The following ZNF736 variants were observed in gnomAD, a reference collection of about 807,000 sequenced individuals.
ZNF736 encodes zinc finger protein 736.
ZNF736 carries 6 observed loss-of-function variants against 11.7 expected under a neutral mutation model. That is an observed-to-expected ratio of 0.51 (90% CI 0.28 to 1.01). ZNF736 has a LOEUF of 1.01. Ranked by LOEUF, ZNF736 falls within the 50% of genes least tolerant of loss-of-function variation. ZNF736 has a pLI of 0.09. For missense variants in ZNF736, 444 were observed against 496.0 expected (o/e 0.90, Z 1.00); for synonymous variants, 139 against 164.7 (o/e 0.84, Z 1.19).
At chr7:64,335,197 G>T (rs747482655) in intron 1 of ZNF736, among the ~76,000 whole-genome samples, 2 of 151,926 alleles carry the variant, frequency 1.3e-5, no homozygotes, top group Non-Finnish European at 2.9e-5. Context: ...ATGCATGTGG[G>T]GCTTAAAACC....
intron 1 of ZNF736, among the ~76,000 whole-genome samples, chr7:64,331,861 G>T (rs1189692687): frequency 6.6e-6 from 1 of 152,156 alleles, no homozygotes; most frequent in African/African-American, 2.4e-5. Flanking sequence ...GCAGAGAAAG[G>T]CAACTGAGTG....
Position 64,353,604 on chromosome 7 carries a change from T to G in ZNF736, c.*4457T>G, listed in dbSNP as rs2115988952. The G allele has an allele frequency of 6.6e-6, 1 of 152,342 alleles. No homozygotes were observed. Among genetic ancestry groups the G allele is most frequent in the East Asian group, 1.9e-4 (1 of 5,180 alleles). The allele number at this position is 152,342 out of a possible 1,614,324, so 9.4% of individuals were successfully genotyped here. ...GTTGCACCAGAGTTGTGAGAGGTTC[T>G]TCTATATTAGATGGACAGATTTATA... On this transcript the variant is annotated 3_prime_UTR_variant, in exon 4 of 4. Transcript: ENST00000423484.
Position 64,314,162 on chromosome 7 carries a change from G to C in ZNF736, c.3+9G>C. The C allele has an allele frequency of 6.4e-7, 1 of 1,552,042 alleles. No individual in the cohort carries two copies. The highest frequency in any genetic ancestry group is 8.7e-7 in the Non-Finnish European group (1 of 1,147,232). On this transcript the variant is annotated intron_variant, in intron 1 of 3. Transcript: ENST00000423484. ...CTGGAGGCTGGGAAATGGTGAGTGC[G>C]TGGAGTGGGTGTCCCGAGAATGGGG...
intron 3 of ZNF736, among the ~76,000 whole-genome samples, chr7:64,344,974 G>A (rs1789387934): frequency 6.7e-6 from 1 of 148,326 alleles, no homozygotes; most frequent in African/African-American, 2.5e-5. Flanking sequence ...GTAATTTTGT[G>A]GGTTTTTTTT....
chr7:64,343,953 C>CTTTTTT (rs142010013), intron 3 of ZNF736, among the ~76,000 whole-genome samples: 6 of 147,976 alleles, frequency 4.1e-5, no homozygotes, highest in African/African-American at 7.6e-5. Flanking sequence ...TGTATATTTG[C>CTTTTTT]TTTTTTTTTT....
chr7:64,319,323 G>GTGTGTA (rs1562666636), intron 1 of ZNF736, among the ~76,000 whole-genome samples: 2 of 90,032 alleles, frequency 2.2e-5, no homozygotes, highest in Non-Finnish European at 4.2e-5. Flanking sequence ...GTATGTGTGT[G>GTGTGTA]TGTGTATGTG....
At chr7:64,330,176 A>G (rs1789142219) in intron 1 of ZNF736, among the ~76,000 whole-genome samples, 1 of 151,396 alleles carries the variant, frequency 6.6e-6, no homozygotes, top group Non-Finnish European at 1.5e-5. Flanking sequence ...TTTGTTTTTG[A>G]GACGGAGTCT....
At position 64,314,071 on chromosome 7, in the gene ZNF736, A is replaced by G; in HGVS notation, c.-80A>G. 1 of 1,541,920 alleles carries G rather than the reference A, an allele frequency of 6.5e-7. No individual in the cohort carries two copies. The highest frequency in any genetic ancestry group is 8.8e-7 in the Non-Finnish European group (1 of 1,138,588). On this transcript the variant is annotated 5_prime_UTR_variant, in exon 1 of 4. Coordinates refer to ENST00000423484, the MANE Select transcript of ZNF736 (RefSeq NM_001170905.3). ...GTTCCTGGAGTTCCTCGGTGACTCT[A>G]CTATAGCTTCTGTTATCCTGTGACC...
chr7:64,336,948 A>G lies in ZNF736; in HGVS notation c.192A>G (p.Lys64=). 2 of 1,605,242 alleles carry G rather than the reference A, an allele frequency of 1.2e-6. No homozygotes were observed. Among genetic ancestry groups the G allele is most frequent in the East Asian group, 2.3e-5 (1 of 44,440 alleles). ...TGGAGCAAAGAAAAGAGCCTTGGAA[A>G]GTGAAGAGACAGGAGGCAGTAGCCA... The part of the protein sequence containing the change: ...TCLEQRKEPW[K]VKRQEAVAKH... Residue 64 remains lysine, a synonymous_variant, in exon 3 of 4, where the codon AAA becomes AAG. Transcript: ENST00000423484.
At position 64,348,597 on chromosome 7, in the gene ZNF736, T is replaced by A; in HGVS notation, c.734T>A (p.Val245Asp). ...GKTFTCSSTL[V>D]KHKRNHTGDR... ...ACTTTTACCTGCTCCTCAACCCTTGTTAAACACAAGAGAAATCATACTGGA... is the reference window on the plus strand; with the variant it reads ...ACTTTTACCTGCTCCTCAACCCTTGATAAACACAAGAGAAATCATACTGGA... Residue 245 changes from valine (V) to aspartate (D), a missense_variant, in exon 4 of 4, where the codon GTT becomes GAT. By Grantham distance (152) the Val-to-Asp change is radical. Coordinates refer to ENST00000423484, the MANE Select transcript of ZNF736 (RefSeq NM_001170905.3). 1 of 1,597,018 alleles carries A rather than the reference T, an allele frequency of 6.3e-7. No individual in the cohort carries two copies. The highest frequency in any genetic ancestry group is 8.5e-7 in the Non-Finnish European group (1 of 1,171,640).
rs1789550402 is a variant in ZNF736, at chr7:64,356,099, G to A, written c.*6952G>A. 1 of 153,064 alleles carries A rather than the reference G, an allele frequency of 6.5e-6. No homozygotes were observed. The highest frequency in any genetic ancestry group is 6.5e-5 in the Admixed American group (1 of 15,332). 9.5% of individuals were successfully genotyped at this position (153,064 alleles called of 1,614,324 possible). A position where few individuals can be genotyped will look rare whatever the true frequency, so the allele number is the denominator to read the frequency against. On this transcript the variant is annotated 3_prime_UTR_variant, in exon 4 of 4. Coordinates refer to ENST00000423484, the MANE Select transcript of ZNF736 (RefSeq NM_001170905.3). Reference sequence around the variant, plus strand: ...GTAATATAAATAATAGGTTTGTTCTGTATATTTTAATGATCTTTCACAAGA... The same window carrying A: ...GTAATATAAATAATAGGTTTGTTCTATATATTTTAATGATCTTTCACAAGA...
chr7:64,346,615 T>A lies in ZNF736; in HGVS notation c.227-1475T>A, dbSNP rs1279188323. On this transcript the variant is annotated intron_variant, in intron 3 of 3. Transcript: ENST00000423484. ...TCTTTCTTCTTCCTGAATTCCAGAT[T>A]CTCTTCTTGTCTGCGACTTTTAAAA... is the stretch of plus-strand genomic sequence containing the variant. Among the ~76,000 whole-genome samples the A allele has an allele frequency of 2.0e-5, 3 of 152,146 alleles. No individual in the cohort carries two copies. The East Asian group carries it at 5.8e-4, about 29-fold the overall frequency.
chr7:64,340,758 A>G (rs1789325680), intron 3 of ZNF736, among the ~76,000 whole-genome samples: 1 of 152,186 alleles, frequency 6.6e-6, no homozygotes, highest in Non-Finnish European at 1.5e-5. Flanking sequence ...TCTAGGGGTA[A>G]TGAACACCCT....
Position 64,348,424 on chromosome 7 carries a change from T to C in ZNF736, c.561T>C (p.Asp187=), listed in dbSNP as rs899657835. 11 of 1,550,226 alleles carry C rather than the reference T, an allele frequency of 7.1e-6. No individual in the cohort carries two copies. Among genetic ancestry groups the C allele is most frequent in the Admixed American group, 3.9e-5 (2 of 50,976 alleles). Residue 187 remains aspartate, a synonymous_variant, in exon 4 of 4, where the codon GAT becomes GAC. Coordinates refer to ENST00000423484, the MANE Select transcript of ZNF736 (RefSeq NM_001170905.3). The part of the protein sequence containing the change: ...ECGKDCRLFS[D]FTRHKKIHTV... The stretch of plus-strand genomic sequence containing the variant: ...GCAAAGACTGTAGGTTGTTCTCAGA[T>C]TTTACTAGACATAAGAAAATTCATA...
rs1789539747 is a variant in ZNF736, at chr7:64,355,346, A to G, written c.*6199A>G. ...TCTATATTCTGGCTTAGACAGAACT[A>G]TCAAGCCATTTCAAGTAGATTTAAT... is the stretch of plus-strand genomic sequence containing the variant. On this transcript the variant is annotated 3_prime_UTR_variant, in exon 4 of 4. Coordinates refer to ENST00000423484, the MANE Select transcript of ZNF736 (RefSeq NM_001170905.3). 6.5e-6 allele frequency: 1 copy of G among 154,360 alleles called. No homozygotes were observed. The highest frequency in any genetic ancestry group is 1.5e-5 in the Non-Finnish European group (1 of 68,096). The allele number at this position is 154,360 out of a possible 1,614,324, so 9.6% of individuals were successfully genotyped here.
At chr7:64,341,536 C>G (rs1789337702) in intron 3 of ZNF736, among the ~76,000 whole-genome samples, 1 of 152,052 alleles carries the variant, frequency 6.6e-6, no homozygotes, top group Non-Finnish European at 1.5e-5. Context: ...ATTCTATAAT[C>G]TTTTGCTTCC....
intron 3 of ZNF736, among the ~76,000 whole-genome samples, chr7:64,345,737 A>AAAAT (rs1407371544): frequency 6.7e-6 from 1 of 149,092 alleles, no homozygotes; most frequent in African/African-American, 2.4e-5. Flanking sequence ...CATCTTAAAA[A>AAAAT]AAAAAAAAAA....
In ZNF736 at chr7:64,348,051, C is replaced by T. The variant is rs1789434861; in HGVS notation, c.227-39C>T. 2.8e-6 allele frequency: 4 copies of T among 1,409,026 alleles called. No homozygotes were observed. In the East Asian group the frequency reaches 9.9e-5, roughly 35 times the overall value. The allele number at this position is 1,409,026 out of a possible 1,614,324, so 87.3% of individuals were successfully genotyped here. On this transcript the variant is annotated intron_variant, in intron 3 of 3. Coordinates refer to ENST00000423484, the MANE Select transcript of ZNF736 (RefSeq NM_001170905.3). ...TTATATATTTGTGAAGTATATTCAC[C>T]TGAGTCTAATGAGGGAGAATTTTAT...
chr7:64,334,013 T>G (rs1789211614), intron 1 of ZNF736, among the ~76,000 whole-genome samples: 1 of 152,150 alleles, frequency 6.6e-6, no homozygotes, highest in Non-Finnish European at 1.5e-5. Context: ...ATCTTATCTT[T>G]GACAAACCTG....
Sources: allele counts gnomAD v4.1 joint callset (sites outside exome capture counted in the v4.1 genomes callset), GRCh38; gene constraint gnomAD v4.1.1; transcripts MANE v1.5; gene names NCBI Gene and HGNC (gene_info 2026-07-23, HGNC 2026-07-21).